Variants in GPC5 observed in about 807,000 individuals in gnomAD.
GPC5 encodes the protein glypican 5.
A neutral mutation model predicts 53.9 loss-of-function variants in GPC5; 47 were observed. The ratio of observed to expected loss-of-function variants is 0.87; its 90% CI spans 0.69 to 1.11. GPC5 has a LOEUF of 1.11. Ranked by LOEUF, GPC5 falls within the 50% of genes most tolerant of loss-of-function variation. GPC5 has a pLI of 0.00. For synonymous variants in GPC5, 286 were observed against 263.3 expected (o/e 1.09, Z -0.84); for missense variants, 748 against 713.1 (o/e 1.05, Z -0.56).
At chr13:92,760,325 A>G (rs573530154) in intron 7 of GPC5, among the ~76,000 whole-genome samples, 4 of 152,238 alleles carry the variant, frequency 2.6e-5, no homozygotes, top group African/African-American at 9.6e-5. Flanking sequence ...GCTTTTATCA[A>G]GAAGTTTTTA....
intron 7 of GPC5, among the ~76,000 whole-genome samples, chr13:92,256,711 TAGTC>T (rs979840476): frequency 2.2e-4 from 34 of 152,162 alleles, no homozygotes; most frequent in African/African-American, 7.7e-4. Flanking sequence ...AGCAATATTT[TAGTC>T]AGTATTTCCT....
intron 7 of GPC5, among the ~76,000 whole-genome samples, chr13:92,251,868 A>G (rs370459902): frequency 5.3e-5 from 8 of 152,272 alleles, no homozygotes; most frequent in African/African-American, 1.9e-4. Context: ...CGTGTGATCC[A>G]GAGGAAGCTG....
chr13:92,808,962 A>C (rs118015229), intron 7 of GPC5, among the ~76,000 whole-genome samples: 1 of 152,116 alleles, frequency 6.6e-6, no homozygotes, highest in Non-Finnish European at 1.5e-5. Context: ...CTAGGAGCTC[A>C]GTATTCTCCC....
intron 5 of GPC5, among the ~76,000 whole-genome samples, chr13:91,798,756 G>T (rs942047894): frequency 2.0e-5 from 3 of 152,004 alleles, no homozygotes; most frequent in Non-Finnish European, 4.4e-5. Flanking sequence ...TGGGTCAAAT[G>T]GTATTTCTGC....
intron 7 of GPC5, among the ~76,000 whole-genome samples, chr13:92,338,802 C>A (rs1470632803): frequency 6.6e-6 from 1 of 151,762 alleles, no homozygotes; most frequent in African/African-American, 2.4e-5. Flanking sequence ...TGCATAGTGC[C>A]CTAATTGTGG....
At chr13:91,742,077 A>G (rs2036946200) in intron 4 of GPC5, among the ~76,000 whole-genome samples, 2 of 152,168 alleles carry the variant, frequency 1.3e-5, no homozygotes, top group African/African-American at 2.4e-5. Context: ...GCAGGCCAAG[A>G]CAAAGCTTTG....
At chr13:92,445,298 TTTTTG>T (rs1472781603) in intron 7 of GPC5, among the ~76,000 whole-genome samples, 1 of 130,086 alleles carries the variant, frequency 7.7e-6, no homozygotes, top group Non-Finnish European at 1.6e-5. Context: ...TTTGTGATTT[TTTTTG>T]TTTTATTTTA....
intron 6 of GPC5, among the ~76,000 whole-genome samples, chr13:92,000,521 T>G (rs1194979681): frequency 1.3e-5 from 2 of 152,146 alleles, no homozygotes; most frequent in African/African-American, 4.8e-5. Context: ...TTGTAGGAAT[T>G]TCCAGTTTTT....
At chr13:92,796,279 G>C (rs140251178) in intron 7 of GPC5, among the ~76,000 whole-genome samples, 1 of 151,946 alleles carries the variant, frequency 6.6e-6, no homozygotes, top group African/African-American at 2.4e-5. Flanking sequence ...ACCAAATACC[G>C]CATGTTCTCA....
intron 7 of GPC5, among the ~76,000 whole-genome samples, chr13:92,160,462 T>C (rs1374159989): frequency 1.3e-5 from 2 of 152,332 alleles, no homozygotes; most frequent in South Asian, 2.1e-4. Flanking sequence ...ACATCTGTTT[T>C]AGCATTTCCT....
intron 2 of GPC5, among the ~76,000 whole-genome samples, chr13:91,487,225 C>T (rs938020339): frequency 2.0e-5 from 3 of 152,068 alleles, no homozygotes; most frequent in South Asian, 4.2e-4. Context: ...AATAGCCCAA[C>T]GATGCTTATA....
intron 6 of GPC5, among the ~76,000 whole-genome samples, chr13:92,067,866 A>G (rs182764228): frequency 1.3e-5 from 2 of 152,110 alleles, no homozygotes; most frequent in East Asian, 3.9e-4. Flanking sequence ...ATAAGGACAT[A>G]TACCAAAATA....
At chr13:92,019,338 C>A (rs2040736600) in intron 6 of GPC5, among the ~76,000 whole-genome samples, 1 of 151,784 alleles carries the variant, frequency 6.6e-6, no homozygotes, top group Non-Finnish European at 1.5e-5. Flanking sequence ...AAATATTGGT[C>A]TTTAATATAG....
At chr13:92,737,766 C>CTTTTTTTTTTTTTTTTTTTTT (rs33914729) in intron 7 of GPC5, among the ~76,000 whole-genome samples, 3 of 102,134 alleles carry the variant, frequency 2.9e-5, no homozygotes, top group South Asian at 3.4e-4. Context: ...TTTTCTTTTT[C>CTTTTTTTTTTTTTTTTTTTTT]TTTTTTTTTT....
chr13:92,285,582 T>C (rs1489581651), intron 7 of GPC5, among the ~76,000 whole-genome samples: 2 of 151,992 alleles, frequency 1.3e-5, no homozygotes, highest in Non-Finnish European at 2.9e-5. Context: ...TCAGAAATAA[T>C]ACCACACATC....
intron 7 of GPC5, among the ~76,000 whole-genome samples, chr13:92,154,219 A>C (rs1470615591): frequency 6.6e-6 from 1 of 152,146 alleles, no homozygotes; most frequent in East Asian, 1.9e-4. Flanking sequence ...ACTCATTATC[A>C]TATGGAGGGC....
intron 2 of GPC5, among the ~76,000 whole-genome samples, chr13:91,661,680 A>T (rs750970994): frequency 4.6e-5 from 7 of 152,222 alleles, no homozygotes; most frequent in Non-Finnish European, 1.0e-4. Flanking sequence ...GAAAGAGGCC[A>T]TGAGGACATC....
chr13:92,124,245 A>G (rs2041675259), intron 6 of GPC5, among the ~76,000 whole-genome samples: 1 of 136,364 alleles, frequency 7.3e-6, no homozygotes. Flanking sequence ...CTCCGGACAG[A>G]ATGAAAAAAA....
chr13:92,224,386 CTT>C (rs1165740770), intron 7 of GPC5, among the ~76,000 whole-genome samples: 1 of 152,148 alleles, frequency 6.6e-6, no homozygotes, highest in Non-Finnish European at 1.5e-5. Flanking sequence ...CTTCAGGAAA[CTT>C]TTGGATTTGT....
Sources: gnomAD v4.1 joint callset for allele counts (sites outside exome capture counted in the v4.1 genomes callset) on GRCh38, gnomAD v4.1.1 for gene constraint, MANE v1.5 for transcripts, NCBI Gene and HGNC (gene_info 2026-07-23, HGNC 2026-07-21) for gene names.